Variants in CLMP observed in about 807,000 individuals in gnomAD.
The protein encoded by CLMP is CXADR-like membrane protein.
Under a neutral mutation model 45.2 loss-of-function variants are expected in CLMP, and 27 were observed. That is an observed-to-expected ratio of 0.60 (90% CI 0.44 to 0.82). CLMP has a LOEUF of 0.82. Ranked by LOEUF, CLMP falls within the 40% of genes least tolerant of loss-of-function variation. The pLI is 0.00. For missense variants in CLMP, 403 were observed against 448.4 expected, an observed-to-expected ratio of 0.90 and a Z score of 0.91; for synonymous variants, 167 against 171.4, an observed-to-expected ratio of 0.97 and a Z score of 0.20.
In CLMP at chr11:123,110,494, T is replaced by G. The variant is rs540600504; in HGVS notation, c.29-12542A>C. Among the ~76,000 whole-genome samples, 7 of 151,024 alleles carry G rather than the reference T, an allele frequency of 4.6e-5. No individual in the cohort carries two copies. The South Asian group carries it at 1.5e-3, about 32-fold the overall frequency. ...ATTAGCCAGGTGTGGTAACTCCTGCTTGTAATCCCAGCTACTAGGGAGGCT... is the reference window on the plus strand; with the variant it reads ...ATTAGCCAGGTGTGGTAACTCCTGCGTGTAATCCCAGCTACTAGGGAGGCT... On this transcript the variant is annotated intron_variant, in intron 1 of 6. Coordinates refer to ENST00000448775, the MANE Select transcript of CLMP (RefSeq NM_024769.5).
chr11:123,072,500 C>G lies in CLMP; in HGVS notation c.*974G>C, dbSNP rs142570146. 93 of 152,248 alleles carry G rather than the reference C, an allele frequency of 6.1e-4. No homozygotes were observed. Among genetic ancestry groups the G allele is most frequent in the African/African-American group, 2.0e-3 (83 of 41,550 alleles). The allele number at this position is 152,248 out of a possible 1,614,324, so 9.4% of individuals were successfully genotyped here. ...TCCCTTTCTAGTCCACCCAGTCTTG[C>G]AATTCTGGTTTCACATTTTCTCAGA... is the stretch of plus-strand genomic sequence containing the variant. On this transcript the variant is annotated 3_prime_UTR_variant, in exon 7 of 7. Coordinates refer to ENST00000448775, the MANE Select transcript of CLMP (RefSeq NM_024769.5).
chr11:123,124,121 T>G (rs1468374376), intron 1 of CLMP, among the ~76,000 whole-genome samples: 2 of 152,150 alleles, frequency 1.3e-5, no homozygotes, highest in Non-Finnish European at 2.9e-5. Flanking sequence ...CCCTGTTATA[T>G]TTTTTTGGTT....
At chr11:123,146,649 C>T (rs1861242530) in intron 1 of CLMP, among the ~76,000 whole-genome samples, 2 of 152,104 alleles carry the variant, frequency 1.3e-5, no homozygotes. Flanking sequence ...GCCATTGGTT[C>T]TTTTTCCATG....
intron 1 of CLMP, among the ~76,000 whole-genome samples, chr11:123,145,479 T>TTTTTTG (rs1861225260): frequency 2.0e-5 from 2 of 102,460 alleles, no homozygotes; most frequent in African/African-American, 9.3e-5. Context: ...TTTTTTTTTT[T>TTTTTTG]GAGACGGGAG....
intron 1 of CLMP, among the ~76,000 whole-genome samples, chr11:123,153,181 G>C (rs74845252): frequency 0.059 from 9,054 of 152,248 alleles, 292 homozygotes; most frequent in Middle Eastern, 0.078. Context: ...GTTGCAGCAA[G>C]GCTGACATTC....
chr11:123,107,239 T>A (rs1478202323), intron 1 of CLMP, among the ~76,000 whole-genome samples: 2 of 151,556 alleles, frequency 1.3e-5, no homozygotes, highest in African/African-American at 4.8e-5. Context: ...GAAATTTTTT[T>A]TTTTTAATTT....
chr11:123,155,029 C>T (rs1460034423), intron 1 of CLMP, among the ~76,000 whole-genome samples: 2 of 152,118 alleles, frequency 1.3e-5, no homozygotes, highest in African/African-American at 4.8e-5. Context: ...CATTCTGTTG[C>T]CCAGGTTGTA....
chr11:123,084,464 A>G lies in CLMP; in HGVS notation c.388+48T>C, dbSNP rs192139593. ...TGATGCATATGGCTATCCCTCTTAG[A>G]TACCTTAGAAATAAGCTGTAGACAT... On this transcript the variant is annotated intron_variant, in intron 3 of 6. Coordinates refer to ENST00000448775, the MANE Select transcript of CLMP (RefSeq NM_024769.5). 2.6e-3 allele frequency: 3,921 copies of G among 1,490,036 alleles called. 6 individuals are homozygous for G. The highest frequency in any genetic ancestry group is 3.2e-3 in the Non-Finnish European group (3,461 of 1,067,110). The allele number at this position is 1,490,036 out of a possible 1,614,324, so 92.3% of individuals were successfully genotyped here.
intron 5 of CLMP, among the ~76,000 whole-genome samples, chr11:123,077,092 G>A (rs867868637): frequency 5.5e-5 from 8 of 146,442 alleles, no homozygotes; most frequent in East Asian, 2.0e-4. Context: ...TCCGCGTCCC[G>A]GGTTCAAGTG....
At chr11:123,083,985 C>G (rs1255539175) in intron 3 of CLMP, 138 bp from the exon 4 acceptor site, 1 of 918,078 alleles carries the variant, frequency 1.1e-6, no homozygotes, top group African/African-American at 1.7e-5. Context: ...ATTCAACTAG[C>G]CTTGCTTTAC....
At chr11:123,186,271 T>C (rs1450829932) in intron 1 of CLMP, among the ~76,000 whole-genome samples, 1 of 152,206 alleles carries the variant, frequency 6.6e-6, no homozygotes, top group East Asian at 1.9e-4. Context: ...TAGTCCATAG[T>C]ACTTGCTCAG....
intron 1 of CLMP, among the ~76,000 whole-genome samples, chr11:123,127,179 T>G (rs1860908040): frequency 6.6e-6 from 1 of 152,134 alleles, no homozygotes; most frequent in Admixed American, 6.5e-5. Flanking sequence ...TGGAGTGCAG[T>G]GGCGTGATCT....
At position 123,162,769 on chromosome 11, in the gene CLMP, G is replaced by A. The variant is rs551132215; in HGVS notation, c.28+32144C>T. Among the ~76,000 whole-genome samples, 3 of 151,994 alleles carry A rather than the reference G, an allele frequency of 2.0e-5. No individual in the cohort carries two copies. The East Asian group carries it at 5.8e-4, about 29-fold the overall frequency. ...CAAAAAAAAGCAGCCAGGCATGGTGGCAAGTGCCTGTAGTCCCAGCTGCTT... is the reference window on the plus strand; with the variant it reads ...CAAAAAAAAGCAGCCAGGCATGGTGACAAGTGCCTGTAGTCCCAGCTGCTT... On this transcript the variant is annotated intron_variant, in intron 1 of 6. Transcript: ENST00000448775.
In CLMP at chr11:123,097,927, C is replaced by T. The variant is rs1335894491; in HGVS notation, c.54G>A (p.Gly18=). The change falls in exon 2 of 7, where the codon GGG becomes GGA. Residue 18 remains glycine, a synonymous_variant. Coordinates refer to ENST00000448775, the MANE Select transcript of CLMP (RefSeq NM_024769.5). ...LLVSYYVGTL[G]THTEIKRVAE... ...CCACTCTCTTGATCTCAGTGTGAGT[C>T]CCCAAGGTTCCAACATAGTAGGAAA... 1.3e-6 allele frequency: 2 copies of T among 1,581,578 alleles called. No homozygotes were observed. Among genetic ancestry groups the T allele is most frequent in the East Asian group, 2.3e-5 (1 of 43,650 alleles).
rs145773297 is a variant in CLMP, at chr11:123,177,089, G to A, written c.28+17824C>T. Among the ~76,000 whole-genome samples, 1,129 of 152,294 alleles carry A rather than the reference G, an allele frequency of 7.4e-3. 12 individuals are homozygous for A. The highest frequency in any genetic ancestry group is 0.026 in the African/African-American group (1,080 of 41,566). ...ATTGTTGCCATAACAGAAAGTTCATGAGAGCTTAGAGTAGACAGAGATTAA... is the reference window on the plus strand; with the variant it reads ...ATTGTTGCCATAACAGAAAGTTCATAAGAGCTTAGAGTAGACAGAGATTAA... On this transcript the variant is annotated intron_variant, in intron 1 of 6. Coordinates refer to ENST00000448775, the MANE Select transcript of CLMP (RefSeq NM_024769.5).
rs564734151 is a variant in CLMP at position 123,190,384 on chromosome 11, C to T, written c.28+4529G>A. ...ACCCATCTGTTCCTGATGACAACCACATCTGGACCAGCCAGAAAATTCTCA... is the reference window on the plus strand; with the variant it reads ...ACCCATCTGTTCCTGATGACAACCATATCTGGACCAGCCAGAAAATTCTCA... On this transcript the variant is annotated intron_variant, in intron 1 of 6. Coordinates refer to ENST00000448775, the MANE Select transcript of CLMP (RefSeq NM_024769.5). Among the ~76,000 whole-genome samples the T allele has an allele frequency of 7.0e-4, 106 of 152,276 alleles. 1 individual carries two copies. The South Asian group carries it at 9.8e-3, about 14-fold the overall frequency.
intron 1 of CLMP, among the ~76,000 whole-genome samples, chr11:123,177,697 C>T (rs1861716544): frequency 6.6e-6 from 1 of 151,914 alleles, no homozygotes; most frequent in Non-Finnish European, 1.5e-5. Flanking sequence ...CCTTGAGATG[C>T]CATCCTTTTT....
intron 1 of CLMP, among the ~76,000 whole-genome samples, chr11:123,193,811 G>A (rs892043864): frequency 5.9e-5 from 9 of 152,166 alleles, no homozygotes; most frequent in African/African-American, 1.9e-4. Flanking sequence ...AGCTAAAGAC[G>A]TGGAAGCCCT....
At chr11:123,186,072 A>G (rs1861831229) in intron 1 of CLMP, among the ~76,000 whole-genome samples, 1 of 152,160 alleles carries the variant, frequency 6.6e-6, no homozygotes, top group African/African-American at 2.4e-5. Flanking sequence ...TTCCCAGATC[A>G]GTGCTGAAGA....
Sources: allele counts gnomAD v4.1 joint callset (sites outside exome capture counted in the v4.1 genomes callset), GRCh38; gene constraint gnomAD v4.1.1; transcripts MANE v1.5; gene names NCBI Gene and HGNC (gene_info 2026-07-23, HGNC 2026-07-21).